The following CTSB variants were observed in gnomAD, a reference collection of about 807,000 sequenced individuals.
The protein encoded by CTSB is cathepsin B.
Under a neutral mutation model 44.3 loss-of-function variants are expected in CTSB, and 57 were observed. The observed-to-expected ratio is 1.29, with a 90% CI of 1.04 to 1.60. CTSB has a LOEUF of 1.60. Ranked by LOEUF, CTSB falls within the 40% of genes most tolerant of loss-of-function variation. The pLI is 0.00. For synonymous variants in CTSB, 320 were observed against 168.0 expected (o/e 1.91, Z -7.00); for missense variants, 768 against 443.0 (o/e 1.73, Z -6.59).
intron 1 of CTSB, among the ~76,000 whole-genome samples, chr8:11,859,097 G>T (rs915839471): frequency 6.6e-6 from 1 of 152,048 alleles, no homozygotes; most frequent in Non-Finnish European, 1.5e-5. Flanking sequence ...GAGTTCCAGT[G>T]CACCCCTCTG....
intron 4 of CTSB, 39 bp from the exon 5 acceptor site, chr8:11,849,203 C>T (rs754977138): frequency 1.9e-5 from 30 of 1,560,654 alleles, no homozygotes; most frequent in South Asian, 3.4e-5. Flanking sequence ...CTGCCATGTC[C>T]GGGCTGGGCC....
Position 11,857,528 on chromosome 8 carries a change from T to A in CTSB, c.-25-4049A>T, listed in dbSNP as rs577751231. 6.6e-5 allele frequency among the ~76,000 whole-genome samples: 10 copies of A among 152,192 alleles called. No individual in the cohort carries two copies. In the East Asian group the frequency reaches 1.9e-3, roughly 29 times the overall value. ...ATAAGCCAAGTCGAGGATGGGAGCG[T>A]TTCCATGGCAACTTGAATTTTAAAA... On this transcript the variant is annotated intron_variant, in intron 1 of 9. Transcript: ENST00000353047.
intron 1 of CTSB, among the ~76,000 whole-genome samples, chr8:11,857,229 G>A (rs1241925331): frequency 2.0e-5 from 3 of 152,178 alleles, no homozygotes; most frequent in African/African-American, 7.2e-5. Context: ...TGTTGGCCAG[G>A]CTGGTCTTGA....
At chr8:11,860,428 C>A (rs567828134) in intron 1 of CTSB, among the ~76,000 whole-genome samples, 1 of 152,248 alleles carries the variant, frequency 6.6e-6, no homozygotes, top group Admixed American at 6.5e-5. Context: ...TCGAGACCAG[C>A]CTGGCTAACA....
Position 11,847,122 on chromosome 8 carries a change from G to C in CTSB, c.723C>G (p.Ala241=), listed in dbSNP as rs772885286. 2.5e-6 allele frequency: 4 copies of C among 1,613,692 alleles called. No homozygotes were observed. The highest frequency in any genetic ancestry group is 4.5e-5 in the East Asian group (2 of 44,876). Residue 241 remains alanine, a synonymous_variant, in exon 8 of 10, where the codon GCC becomes GCG. Coordinates refer to ENST00000353047, the MANE Select transcript of CTSB (RefSeq NM_001908.5). ...CCACGGGGCCGTTTTTGTAGATCTC[G>C]GCCATGATGTCCTTCTCGCTATTGG... The part of the protein sequence containing the change: ...SVSNSEKDIM[A]EIYKNGPVEG...
Position 11,844,655 on chromosome 8 carries a change from G to A in CTSB, c.*470C>T, listed in dbSNP as rs1449222990. On this transcript the variant is annotated 3_prime_UTR_variant, in exon 10 of 10. Transcript: ENST00000353047. The stretch of plus-strand genomic sequence containing the variant: ...CATTGCAAACTCGATAGATGCAGGG[G>A]GCCTGGGAGACTGGCGTTCTCCAAA... 6.3e-6 allele frequency: 1 copy of A among 159,316 alleles called. No individual in the cohort carries two copies. Among genetic ancestry groups the A allele is most frequent in the African/African-American group, 2.4e-5 (1 of 41,668 alleles). 9.9% of individuals were successfully genotyped at this position (159,316 alleles called of 1,614,324 possible). A position where few individuals can be genotyped will look rare whatever the true frequency, so the allele number is the denominator to read the frequency against.
Position 11,852,710 on chromosome 8 carries a change from C to G in CTSB, c.127-15G>C, listed in dbSNP as rs936726236. The G allele has an allele frequency of 1.2e-6, 2 of 1,611,984 alleles. No individual in the cohort carries two copies. Among genetic ancestry groups the G allele is most frequent in the Non-Finnish European group, 1.7e-6 (2 of 1,178,512 alleles). On this transcript the variant is annotated splice_polypyrimidine_tract_variant and intron_variant, in intron 2 of 9. Coordinates refer to ENST00000353047, the MANE Select transcript of CTSB (RefSeq NM_001908.5). ...TTGTGCCCGGCCTGGAAGAGAGTCACCCACTGACTGAAGGGTCTCCCGGGA... is the reference window on the plus strand; with the variant it reads ...TTGTGCCCGGCCTGGAAGAGAGTCAGCCACTGACTGAAGGGTCTCCCGGGA...
Position 11,845,008 on chromosome 8 carries a change from G to T in CTSB, c.*117C>A. ...TCCTTGGAAGACAGGTCTGATGTTT[G>T]GCCAATCCAGTCCTTCAGACCCTGT... On this transcript the variant is annotated 3_prime_UTR_variant, in exon 10 of 10. Transcript: ENST00000353047. 1.4e-6 allele frequency: 1 copy of T among 706,658 alleles called. No homozygotes were observed. The highest frequency in any genetic ancestry group is 2.5e-6 in the Non-Finnish European group (1 of 406,048). The allele number at this position is 706,658 out of a possible 1,614,324, so 43.8% of individuals were successfully genotyped here.
chr8:11,853,650 G>A (rs1339398338), intron 1 of CTSB, 171 bp from the exon 2 acceptor site: 7 of 614,976 alleles, frequency 1.1e-5, no homozygotes, highest in African/African-American at 5.6e-5. Context: ...CCTGCCCGAA[G>A]CACGCCATGA....
At chr8:11,864,536 G>A (rs1046642424) in intron 1 of CTSB, 11 of 152,046 alleles carry the variant, frequency 7.2e-5, no homozygotes, top group African/African-American at 2.7e-4. Context: ...AAAATGTGCA[G>A]AAGAATCCAA....
chr8:11,847,005 C>A (rs375816064), intron 8 of CTSB, 47 bp downstream of exon 8: 4 of 906,700 alleles, frequency 4.4e-6, no homozygotes, highest in South Asian at 1.3e-5. Flanking sequence ...CACCCAGGCT[C>A]CCCTCCCGAC....
intron 1 of CTSB, 109 bp from the exon 2 acceptor site, chr8:11,853,588 GC>G: frequency 8.8e-7 from 1 of 1,131,498 alleles, no homozygotes; most frequent in Non-Finnish European, 1.2e-6. Flanking sequence ...GCTCGTCCTG[GC>G]CCAGGCGGAG....
intron 4 of CTSB, among the ~76,000 whole-genome samples, chr8:11,850,446 GAAA>G (rs1449688885): frequency 1.6e-5 from 2 of 125,932 alleles, no homozygotes; most frequent in Non-Finnish European, 3.5e-5. Context: ...AAAAAAGAAA[GAAA>G]AAGAAAACAA....
At chr8:11,855,277 C>T (rs1329065582) in intron 1 of CTSB, among the ~76,000 whole-genome samples, 1 of 152,182 alleles carries the variant, frequency 6.6e-6, no homozygotes, top group Non-Finnish European at 1.5e-5. Flanking sequence ...GACTCAGCCT[C>T]CCAAAGTGCT....
chr8:11,857,193 T>G (rs1368910112), intron 1 of CTSB, among the ~76,000 whole-genome samples: 1 of 152,182 alleles, frequency 6.6e-6, no homozygotes, highest in Admixed American at 6.5e-5. Flanking sequence ...TTGGCTAATT[T>G]TTGTAGTATA....
rs746754198 is a variant in CTSB at position 11,845,104 on chromosome 8, G to C, written c.*21C>G. 1.3e-6 allele frequency: 2 copies of C among 1,550,766 alleles called. No individual in the cohort carries two copies. The highest frequency in any genetic ancestry group is 1.4e-5 in the African/African-American group (1 of 73,610). ...TACCCCGATCTCGCCCCCAGGACTG[G>C]CACGACAGGCCCACGGCAGATTAGA... On this transcript the variant is annotated 3_prime_UTR_variant, in exon 10 of 10. Coordinates refer to ENST00000353047, the MANE Select transcript of CTSB (RefSeq NM_001908.5).
At chr8:11,861,972 C>A (rs1194756966) in intron 1 of CTSB, among the ~76,000 whole-genome samples, 1 of 152,114 alleles carries the variant, frequency 6.6e-6, no homozygotes, top group African/African-American at 2.4e-5. Flanking sequence ...CTTTGGGAGG[C>A]TGAGGTGGGC....
chr8:11,846,997 C>T (rs774707585), intron 8 of CTSB, 55 bp downstream of exon 8: 1 of 889,252 alleles, frequency 1.1e-6, no homozygotes, highest in African/African-American at 1.7e-5. Context: ...CATCCTGGCA[C>T]CCAGGCTCCC....
At chr8:11,865,158 A>C (rs1035120904) in intron 1 of CTSB, among the ~76,000 whole-genome samples, 2 of 152,094 alleles carry the variant, frequency 1.3e-5, no homozygotes, top group Non-Finnish European at 2.9e-5. Context: ...TGTCACCCCA[A>C]CCATCTCCCT....
Sources: allele counts gnomAD v4.1 joint callset (sites outside exome capture counted in the v4.1 genomes callset), GRCh38; gene constraint gnomAD v4.1.1; transcripts MANE v1.5; gene names NCBI Gene and HGNC (gene_info 2026-07-23, HGNC 2026-07-21).